C1RL: variants seen among roughly 807,000 people sequenced by gnomAD.
The protein encoded by C1RL is complement C1r subcomponent like, also known as complement C1r subcomponent-like protein.
C1RL carries 27 observed loss-of-function variants against 27.9 expected under a neutral mutation model. The ratio of observed to expected loss-of-function variants is 0.97; its 90% CI spans 0.71 to 1.33. C1RL has a LOEUF of 1.33. Among genes scored for constraint, C1RL ranks in the 40% most tolerant of loss-of-function variants. The pLI is 0.00. For missense variants in C1RL, 563 were observed against 623.9 expected (o/e 0.90, Z 1.04); for synonymous variants, 248 against 252.1 (o/e 0.98, Z 0.15).
chr12:7,096,280 T>TGGGCCCCC lies in C1RL; in HGVS notation c.*110_*111insGGGGGCCC. The TGGGCCCCC allele has an allele frequency of 7.1e-6, 7 of 992,696 alleles. No homozygotes were observed. The highest frequency in any genetic ancestry group is 8.4e-6 in the Non-Finnish European group (7 of 832,202). 61.5% of individuals were successfully genotyped at this position (992,696 alleles called of 1,614,324 possible). ...GTGATGTGAATAGGATTTCCCTGCC[T>TGGGCCCCC]CCCCCAACCCCCCACCCCCAACCCC... On this transcript the variant is annotated 3_prime_UTR_variant, in exon 6 of 6. Coordinates refer to ENST00000266542, the MANE Select transcript of C1RL (RefSeq NM_016546.4).
At position 7,096,299 on chromosome 12, in the gene C1RL, C is replaced by CCA; in HGVS notation, c.*91_*92insTG. On this transcript the variant is annotated 3_prime_UTR_variant, in exon 6 of 6. Transcript: ENST00000266542. ...CCTGCCTCCCCCAACCCCCCACCCCCAACCCCTACCCCAGTGTTCAGTCCT... is the reference window on the plus strand; with the variant it reads ...CCTGCCTCCCCCAACCCCCCACCCCCCAAACCCCTACCCCAGTGTTCAGTCCT... The CCA allele has an allele frequency of 8.2e-7, 1 of 1,218,536 alleles. No homozygotes were observed. Among genetic ancestry groups the CCA allele is most frequent in the South Asian group, 2.9e-5 (1 of 35,078 alleles). The allele number at this position is 1,218,536 out of a possible 1,614,324, so 75.5% of individuals were successfully genotyped here.
intron 5 of C1RL, among the ~76,000 whole-genome samples, chr12:7,099,041 CAAAAA>C (rs35402492): frequency 3.1e-5 from 4 of 127,590 alleles, no homozygotes; most frequent in Non-Finnish European, 5.2e-5. Context: ...ACTAAAAATA[CAAAAA>C]AAAAAAAAAA....
rs140933540 is a variant in C1RL at position 7,099,711 on chromosome 12, C to T, written c.666G>A (p.Gly222=). Residue 222 remains glycine, a synonymous_variant, in exon 5 of 6, where the codon GGG becomes GGA. Transcript: ENST00000266542. Reference sequence around the variant, plus strand: ...CAGGCATACACTGAAGAACCTCCTCCCCATCCTGTCTGTCTTTCCAGGTCC... The same window carrying T: ...CAGGCATACACTGAAGAACCTCCTCTCCATCCTGTCTGTCTTTCCAGGTCC... The part of the protein sequence containing the change: ...TPGTWKDRQD[G]EEVLQCMPVC... The T allele has an allele frequency of 3.2e-6, 5 of 1,558,012 alleles. No individual in the cohort carries two copies. The African/African-American group carries it at 6.8e-5, about 21-fold the overall frequency.
rs554312003 is a variant in C1RL at position 7,107,926 on chromosome 12, CAT to C, written c.300+323_300+324del. On this transcript the variant is annotated intron_variant, in intron 2 of 5. Transcript: ENST00000266542. ...CAGGCACTCAACAAATACATGATGA[CAT>C]ATTTTTAACAACCAATATGTGCGTC... 7.8e-3 allele frequency: 2,020 copies of C among 259,628 alleles called. 14 individuals carry two copies. The highest frequency in any genetic ancestry group is 0.011 in the Non-Finnish European group (1,574 of 137,662). 16.1% of individuals were successfully genotyped at this position (259,628 alleles called of 1,614,324 possible). A position where few individuals can be genotyped will look rare whatever the true frequency, so the allele number is the denominator to read the frequency against.
chr12:7,108,966 G>GGT lies in C1RL; in HGVS notation c.71+142_71+143dup, dbSNP rs764538217. 1,189 of 367,296 alleles carry GGT rather than the reference G, an allele frequency of 3.2e-3. 3 individuals are homozygous for GGT. Among genetic ancestry groups the GGT allele is most frequent in the Admixed American group, 0.014 (274 of 19,634 alleles). The allele number at this position is 367,296 out of a possible 1,614,324, so 22.8% of individuals were successfully genotyped here. ...GCTGCTGGTGTGTGTATGTGGGGGA[G>GGT]GTGTGTGTGTGTGTGTGTGTGTGGG... On this transcript the variant is annotated intron_variant, in intron 1 of 5. Transcript: ENST00000266542.
Position 7,099,225 on chromosome 12 carries a change from C to CAAAA in C1RL, c.691+457_691+460dup, listed in dbSNP as rs1180325788. Among the ~76,000 whole-genome samples the CAAAA allele has an allele frequency of 1.4e-3, 61 of 44,386 alleles. 2 individuals carry two copies. Among genetic ancestry groups the CAAAA allele is most frequent in the East Asian group, 6.8e-3 (8 of 1,172 alleles). 29.1% of individuals were successfully genotyped at this position (44,386 alleles called of 152,430 possible). On this transcript the variant is annotated intron_variant, in intron 5 of 5. Transcript: ENST00000266542. ...GGGCGACAAGAGAGAAACTCCATCC[C>CAAAA]AAAAAAAAAAAAAAAAAAAAAAAAA...
chr12:7,096,304 C>T lies in C1RL; in HGVS notation c.*87G>A. On this transcript the variant is annotated 3_prime_UTR_variant, in exon 6 of 6. Coordinates refer to ENST00000266542, the MANE Select transcript of C1RL (RefSeq NM_016546.4). ...CTCCCCCAACCCCCCACCCCCAACCCCTACCCCAGTGTTCAGTCCTCACTC... is the reference window on the plus strand; with the variant it reads ...CTCCCCCAACCCCCCACCCCCAACCTCTACCCCAGTGTTCAGTCCTCACTC... The T allele has an allele frequency of 1.5e-6, 2 of 1,304,954 alleles. No homozygotes were observed. Among genetic ancestry groups the T allele is most frequent in the Non-Finnish European group, 1.9e-6 (2 of 1,026,380 alleles). 80.8% of individuals were successfully genotyped at this position (1,304,954 alleles called of 1,614,324 possible).
chr12:7,108,112 G>T (rs969275740), intron 2 of C1RL, 139 bp downstream of exon 2: 67 of 676,174 alleles, frequency 9.9e-5, no homozygotes, highest in African/African-American at 8.7e-4. Flanking sequence ...ACTGCTCCCC[G>T]GTAAGCCAAG....
At chr12:7,105,272 T>TA (rs1160021295) in intron 2 of C1RL, among the ~76,000 whole-genome samples, 4 of 151,840 alleles carry the variant, frequency 2.6e-5, no homozygotes, top group African/African-American at 9.7e-5. Flanking sequence ...CTCCACTCTT[T>TA]TTTTTTTTTC....
rs183258244 is a variant in C1RL at position 7,106,574 on chromosome 12, G to C, written c.300+1677C>G. On this transcript the variant is annotated intron_variant, in intron 2 of 5. Transcript: ENST00000266542. ...AAAATAAATCGAGAGATCTTCAGGA[G>C]GGATGTCACCAATTAAAAGGAGGAC... 2.3e-3 allele frequency among the ~76,000 whole-genome samples: 354 copies of C among 152,294 alleles called. 1 individual carries two copies. Among genetic ancestry groups the C allele is most frequent in the African/African-American group, 7.5e-3 (312 of 41,562 alleles).
chr12:7,098,616 T>A (rs1185210982), intron 5 of C1RL, among the ~76,000 whole-genome samples: 1 of 152,104 alleles, frequency 6.6e-6, no homozygotes, highest in Non-Finnish European at 1.5e-5. Flanking sequence ...TAGAAAGGAG[T>A]ATTATTTAGC....
At chr12:7,101,001 C>CA (rs1428634408) in intron 3 of C1RL, among the ~76,000 whole-genome samples, 3 of 151,952 alleles carry the variant, frequency 2.0e-5, no homozygotes, top group African/African-American at 7.3e-5. Context: ...AGTTAAGAGC[C>CA]AGAGATCAGA....
At chr12:7,097,289 T>G (rs916492561) in intron 5 of C1RL, 126 bp from the exon 6 acceptor site, 6 of 867,186 alleles carry the variant, frequency 6.9e-6, no homozygotes, top group Non-Finnish European at 1.0e-5. Flanking sequence ...GGACGTTTTT[T>G]TTTTTTTTTT....
chr12:7,100,240 C>A (rs1938578956), intron 3 of C1RL, among the ~76,000 whole-genome samples: 1 of 152,088 alleles, frequency 6.6e-6, no homozygotes, highest in Non-Finnish European at 1.5e-5. Context: ...ACAGGCACTT[C>A]CATATATGTT....
rs764359336 is a variant in C1RL at position 7,099,727 on chromosome 12, T to C, written c.650A>G (p.Lys217Arg). 6.4e-7 allele frequency: 1 copy of C among 1,566,570 alleles called. No individual in the cohort carries two copies. The highest frequency in any genetic ancestry group is 1.3e-5 in the African/African-American group (1 of 74,260). ...AACCTCCTCCCCATCCTGTCTGTCTTTCCAGGTCCCTGGGGTTGCACAGGT... is the reference window on the plus strand; with the variant it reads ...AACCTCCTCCCCATCCTGTCTGTCTCTCCAGGTCCCTGGGGTTGCACAGGT... ...ALTCATPGTW[K>R]DRQDGEEVLQ... The change falls in exon 5 of 6, where the codon AAA becomes AGA. Residue 217 changes from lysine (K) to arginine (R), a missense_variant. Transcript: ENST00000266542.
intron 5 of C1RL, among the ~76,000 whole-genome samples, chr12:7,098,063 C>T (rs1019849081): frequency 2.6e-5 from 4 of 151,974 alleles, no homozygotes; most frequent in African/African-American, 7.3e-5. Context: ...GTCAGGAGAT[C>T]GAGACCATCC....
chr12:7,107,461 C>T (rs755756580), intron 2 of C1RL, among the ~76,000 whole-genome samples: 8 of 152,038 alleles, frequency 5.3e-5, no homozygotes, highest in East Asian at 3.9e-4. Context: ...TGAGCTACTG[C>T]GCCCAGCCTT....
intron 3 of C1RL, chr12:7,101,606 T>G (rs1256526753): frequency 2.0e-6 from 1 of 507,822 alleles, no homozygotes; most frequent in African/African-American, 1.9e-5. Context: ...GAGTCATCAT[T>G]TGAAAATTTA....
chr12:7,097,275 A>T, intron 5 of C1RL, 112 bp from the exon 6 acceptor site: 7 of 847,284 alleles, frequency 8.3e-6, no homozygotes, highest in Non-Finnish European at 1.2e-5. Flanking sequence ...AGACTCTGGG[A>T]TCAGGACGTT....
Sources: allele counts gnomAD v4.1 joint callset (sites outside exome capture counted in the v4.1 genomes callset), GRCh38; gene constraint gnomAD v4.1.1; transcripts MANE v1.5; gene names NCBI Gene and HGNC (gene_info 2026-07-23, HGNC 2026-07-21).